Variants in ADAMTS3 observed in about 807,000 individuals in gnomAD.
The protein encoded by ADAMTS3 is ADAM metallopeptidase with thrombospondin type 1 motif 3.
A neutral mutation model predicts 129.0 loss-of-function variants in ADAMTS3; 73 were observed. The ratio of observed to expected loss-of-function variants is 0.57; its 90% CI spans 0.47 to 0.69. ADAMTS3 has a LOEUF of 0.69. Ranked by LOEUF, ADAMTS3 falls within the 30% of genes least tolerant of loss-of-function variation. The probability of loss-of-function intolerance (pLI) is 0.00; values close to 1 mark genes in which losing one functional copy is unlikely to be tolerated. For synonymous variants in ADAMTS3, 477 were observed against 510.8 expected, an observed-to-expected ratio of 0.93 and a Z score of 0.89; for missense variants, 1,457 against 1,514.5, an observed-to-expected ratio of 0.96 and a Z score of 0.63.
intron 4 of ADAMTS3, among the ~76,000 whole-genome samples, chr4:72,392,588 A>G (rs917272126): frequency 6.6e-6 from 1 of 152,200 alleles, no homozygotes; most frequent in Non-Finnish European, 1.5e-5. Flanking sequence ...TAAGGCACAC[A>G]CTAGTTTTCT....
At chr4:72,493,475 CTA>C (rs1719798164) in intron 3 of ADAMTS3, among the ~76,000 whole-genome samples, 1 of 151,956 alleles carries the variant, frequency 6.6e-6, no homozygotes, top group Non-Finnish European at 1.5e-5. Context: ...CAACTTAACT[CTA>C]ATCTCATACA....
intron 4 of ADAMTS3, among the ~76,000 whole-genome samples, chr4:72,358,159 A>G (rs1720630173): frequency 6.6e-6 from 1 of 151,990 alleles, no homozygotes; most frequent in Non-Finnish European, 1.5e-5. Flanking sequence ...AAAGATGCCT[A>G]TGAGATCATT....
chr4:72,545,012 A>G (rs1188933910), intron 3 of ADAMTS3, among the ~76,000 whole-genome samples: 1 of 152,146 alleles, frequency 6.6e-6, no homozygotes, highest in Non-Finnish European at 1.5e-5. Flanking sequence ...ATAATAATAA[A>G]TAAACATGAA....
chr4:72,364,246 TAGA>T (rs200335493), intron 4 of ADAMTS3, among the ~76,000 whole-genome samples: 1,986 of 152,030 alleles, frequency 0.013, 20 homozygotes, highest in Non-Finnish European at 0.022. Context: ...AAAACGACAA[TAGA>T]AGGACATACA....
At chr4:72,457,074 T>C (rs1718643695) in intron 3 of ADAMTS3, among the ~76,000 whole-genome samples, 1 of 151,652 alleles carries the variant, frequency 6.6e-6, no homozygotes, top group Non-Finnish European at 1.5e-5. Context: ...AAAATATCTT[T>C]TAGTATTTCT....
At chr4:72,357,226 A>C (rs1417986186) in intron 4 of ADAMTS3, among the ~76,000 whole-genome samples, 1 of 151,870 alleles carries the variant, frequency 6.6e-6, no homozygotes. Context: ...TGGAAGTTGA[A>C]ATATGTGAAT....
At chr4:72,347,175 A>G (rs1720308000) in intron 4 of ADAMTS3, among the ~76,000 whole-genome samples, 1 of 152,100 alleles carries the variant, frequency 6.6e-6, no homozygotes, top group African/African-American at 2.4e-5. Context: ...CTACACTCCA[A>G]TGATGAGTAT....
intron 17 of ADAMTS3, among the ~76,000 whole-genome samples, chr4:72,299,835 A>G (rs1261628013): frequency 6.6e-6 from 1 of 152,110 alleles, no homozygotes; most frequent in Non-Finnish European, 1.5e-5. Flanking sequence ...TAATCTGTGC[A>G]CTAAAGATAT....
At chr4:72,450,300 C>G (rs1331611420) in intron 3 of ADAMTS3, among the ~76,000 whole-genome samples, 8 of 151,690 alleles carry the variant, frequency 5.3e-5, no homozygotes, top group Admixed American at 4.6e-4. Flanking sequence ...GTACAATTGC[C>G]TTCGTGGTCA....
intron 3 of ADAMTS3, among the ~76,000 whole-genome samples, chr4:72,503,664 C>G (rs1720083346): frequency 6.6e-6 from 1 of 152,170 alleles, no homozygotes; most frequent in African/African-American, 2.4e-5. Flanking sequence ...TGTTAGCTTT[C>G]TGCCTCAATG....
At chr4:72,314,557 T>C (rs551093635) in intron 11 of ADAMTS3, among the ~76,000 whole-genome samples, 1 of 152,308 alleles carries the variant, frequency 6.6e-6, no homozygotes, top group Non-Finnish European at 1.5e-5. Flanking sequence ...CTACGTACAA[T>C]AAAAGCATTT....
intron 21 of ADAMTS3, among the ~76,000 whole-genome samples, chr4:72,285,343 A>G (rs530935129): frequency 6.7e-6 from 1 of 149,236 alleles, no homozygotes; most frequent in Non-Finnish European, 1.5e-5. Context: ...CATTATATTA[A>G]TGAGTTTCAC....
intron 4 of ADAMTS3, among the ~76,000 whole-genome samples, chr4:72,387,927 G>C (rs1721489432): frequency 6.6e-6 from 1 of 151,986 alleles, no homozygotes; most frequent in Non-Finnish European, 1.5e-5. Flanking sequence ...TTAGACACTA[G>C]AGAAGTAGTT....
At chr4:72,322,921 T>G (rs921341121) in intron 6 of ADAMTS3, 93 bp downstream of exon 6, 3 of 991,260 alleles carry the variant, frequency 3.0e-6, no homozygotes, top group African/African-American at 3.2e-5. Flanking sequence ...GGAATATATC[T>G]ATGCCTTAAG....
intron 7 of ADAMTS3, 72 bp downstream of exon 7, chr4:72,320,642 G>T: frequency 6.7e-7 from 1 of 1,492,898 alleles, no homozygotes; most frequent in Admixed American, 1.8e-5. Context: ...CATTTGAACA[G>T]ACTGCCTGAT....
chr4:72,461,145 G>T (rs141813972), intron 3 of ADAMTS3, among the ~76,000 whole-genome samples: 3 of 151,502 alleles, frequency 2.0e-5, no homozygotes, highest in Admixed American at 1.3e-4. Context: ...ATATCAACTC[G>T]ATGAACTATG....
At chr4:72,420,564 C>T (rs959492129) in intron 3 of ADAMTS3, among the ~76,000 whole-genome samples, 5 of 152,200 alleles carry the variant, frequency 3.3e-5, no homozygotes, top group African/African-American at 1.2e-4. Flanking sequence ...CACTTAACTG[C>T]CTATCATGTT....
chr4:72,564,279 T>C (rs574239787), intron 2 of ADAMTS3, among the ~76,000 whole-genome samples: 39 of 152,230 alleles, frequency 2.6e-4, no homozygotes, highest in African/African-American at 7.9e-4. Context: ...GAATTCTTTT[T>C]CAGATTTTCC....
At chr4:72,447,631 A>G (rs1718293089) in intron 3 of ADAMTS3, among the ~76,000 whole-genome samples, 1 of 151,742 alleles carries the variant, frequency 6.6e-6, no homozygotes, top group African/African-American at 2.4e-5. Context: ...TGAGAAAATG[A>G]CCTAAGATTA....
Sources: gnomAD v4.1 joint callset for allele counts (sites outside exome capture counted in the v4.1 genomes callset) on GRCh38, gnomAD v4.1.1 for gene constraint, MANE v1.5 for transcripts, NCBI Gene and HGNC (gene_info 2026-07-23, HGNC 2026-07-21) for gene names.